The following ADGRL3 variants were observed in gnomAD, a reference collection of about 807,000 sequenced individuals.
The protein encoded by ADGRL3 is calcium-independent alpha-latrotoxin receptor 3.
Under a neutral mutation model 153.5 loss-of-function variants are expected in ADGRL3, and 62 were observed. The observed-to-expected ratio is 0.40, with a 90% CI of 0.33 to 0.50. The LOEUF (loss-of-function observed/expected upper bound fraction) is 0.50. ADGRL3 is among the 20% of genes least tolerant of loss of function. The probability of loss-of-function intolerance (pLI) is 0.47; values close to 1 mark genes in which losing one functional copy is unlikely to be tolerated. For synonymous variants in ADGRL3, 710 were observed against 672.5 expected (o/e 1.06, Z -0.86); for missense variants, 1,641 against 1,859.4 (o/e 0.88, Z 2.16).
chr4:61,509,072 T>C (rs532167344), intron 3 of ADGRL3, among the ~76,000 whole-genome samples: 4 of 150,044 alleles, frequency 2.7e-5, no homozygotes, highest in African/African-American at 9.8e-5. Flanking sequence ...ATTATGGGAG[T>C]ACAATTCAAG....
intron 25 of ADGRL3, among the ~76,000 whole-genome samples, chr4:62,045,721 T>C (rs1407090952): frequency 6.6e-6 from 1 of 152,012 alleles, no homozygotes. Flanking sequence ...GGCAACAATA[T>C]AGTAACTATA....
At position 61,629,420 on chromosome 4, in the gene ADGRL3, T is replaced by A. The variant is rs1002723027; in HGVS notation, c.473+41980T>A. Among the ~76,000 whole-genome samples the A allele has an allele frequency of 3.2e-4, 48 of 151,464 alleles. 1 individual carries two copies. The highest frequency in any genetic ancestry group is 2.7e-4 in the Non-Finnish European group (18 of 67,868). On this transcript the variant is annotated intron_variant, in intron 5 of 26. Coordinates refer to ENST00000683033, the MANE Select transcript of ADGRL3 (RefSeq NM_001387552.1). ...TGTTCTATATGGTTTTTCTCCATTTTAAAAAAAAGTCCAAGTGGCCAGGCG... is the reference window on the plus strand; with the variant it reads ...TGTTCTATATGGTTTTTCTCCATTTAAAAAAAAAGTCCAAGTGGCCAGGCG...
chr4:61,486,895 C>A (rs2098200821), intron 2 of ADGRL3, among the ~76,000 whole-genome samples: 1 of 152,118 alleles, frequency 6.6e-6, no homozygotes, highest in African/African-American at 2.4e-5. Flanking sequence ...CCAATACATG[C>A]ATGAGTAAAA....
intron 17 of ADGRL3, among the ~76,000 whole-genome samples, chr4:61,964,964 T>A (rs1032026868): frequency 6.6e-6 from 1 of 152,154 alleles, no homozygotes; most frequent in Non-Finnish European, 1.5e-5. Flanking sequence ...AATTTTACTT[T>A]AACATGGCAA....
chr4:62,056,003 T>A (rs1736810286), intron 25 of ADGRL3, among the ~76,000 whole-genome samples: 1 of 151,636 alleles, frequency 6.6e-6, no homozygotes, highest in Non-Finnish European at 1.5e-5. Context: ...AATGAACTCC[T>A]ACAAGGCTCC....
intron 9 of ADGRL3, among the ~76,000 whole-genome samples, chr4:61,831,402 G>C (rs115150534): frequency 0.018 from 906 of 49,704 alleles, 17 homozygotes; most frequent in African/African-American, 0.064. Flanking sequence ...GAAAGGAAAA[G>C]ATGCTAAGTA....
At chr4:61,799,275 C>A (rs1240541485) in intron 8 of ADGRL3, among the ~76,000 whole-genome samples, 1 of 151,762 alleles carries the variant, frequency 6.6e-6, no homozygotes, top group East Asian at 1.9e-4. Context: ...TTACTATTCA[C>A]AATAATTCTA....
At chr4:61,294,622 A>C (rs1362591808) in intron 1 of ADGRL3, among the ~76,000 whole-genome samples, 1 of 152,162 alleles carries the variant, frequency 6.6e-6, no homozygotes, top group Non-Finnish European at 1.5e-5. Flanking sequence ...ACTGGTACAT[A>C]AAATAATCAT....
intron 8 of ADGRL3, among the ~76,000 whole-genome samples, chr4:61,756,853 C>A (rs937217043): frequency 5.3e-5 from 8 of 152,054 alleles, no homozygotes; most frequent in African/African-American, 1.7e-4. Context: ...TTGTCAAAGG[C>A]CTTTTCTGCA....
At chr4:61,313,737 T>C (rs1471207422) in intron 1 of ADGRL3, among the ~76,000 whole-genome samples, 1 of 152,192 alleles carries the variant, frequency 6.6e-6, no homozygotes, top group Non-Finnish European at 1.5e-5. Context: ...ATGTAAACTA[T>C]ACATACATTT....
intron 1 of ADGRL3, among the ~76,000 whole-genome samples, chr4:61,225,405 A>C (rs1370243264): frequency 6.6e-6 from 1 of 152,152 alleles, no homozygotes; most frequent in African/African-American, 2.4e-5. Context: ...TGTTGTGCCA[A>C]TATATAACCT....
chr4:62,058,760 G>T (rs1400701272), intron 25 of ADGRL3, among the ~76,000 whole-genome samples: 2 of 152,050 alleles, frequency 1.3e-5, no homozygotes, highest in African/African-American at 4.8e-5. Flanking sequence ...CAACAATTTC[G>T]CAGCTATTAG....
chr4:61,568,677 G>C (rs2098826202), intron 4 of ADGRL3, among the ~76,000 whole-genome samples: 1 of 151,926 alleles, frequency 6.6e-6, no homozygotes, highest in South Asian at 2.1e-4. Context: ...AAAAGTTAAT[G>C]GTCTTTTTTT....
At chr4:61,353,600 A>ATTTTTT (rs34199193) in intron 1 of ADGRL3, among the ~76,000 whole-genome samples, 15 of 118,838 alleles carry the variant, frequency 1.3e-4, no homozygotes, top group African/African-American at 3.6e-4. Flanking sequence ...TTTTCTTTCA[A>ATTTTTT]TTTTTTTTTT....
chr4:61,979,439 C>A, intron 17 of ADGRL3, 124 bp from the exon 18 acceptor site: 2 of 764,846 alleles, frequency 2.6e-6, no homozygotes, highest in Non-Finnish European at 4.5e-6. Context: ...TTACTTTATT[C>A]ATTGTGGGTA....
At chr4:61,611,882 T>C (rs1212837879) in intron 5 of ADGRL3, among the ~76,000 whole-genome samples, 1 of 152,090 alleles carries the variant, frequency 6.6e-6, no homozygotes, top group East Asian at 1.9e-4. Flanking sequence ...ATTATGTCAC[T>C]GCACTCCAGC....
intron 9 of ADGRL3, among the ~76,000 whole-genome samples, chr4:61,869,193 C>T (rs189502132): frequency 6.6e-6 from 1 of 152,098 alleles, no homozygotes; most frequent in Non-Finnish European, 1.5e-5. Flanking sequence ...ACCTTCCTAC[C>T]TTGGTCTCCC....
intron 9 of ADGRL3, among the ~76,000 whole-genome samples, chr4:61,864,895 T>C (rs953297060): frequency 1.3e-5 from 2 of 152,178 alleles, no homozygotes; most frequent in African/African-American, 4.8e-5. Context: ...AACGGAAGCA[T>C]AGAATGTAAT....
At chr4:61,371,591 A>G (rs1186945488) in intron 1 of ADGRL3, among the ~76,000 whole-genome samples, 1 of 152,122 alleles carries the variant, frequency 6.6e-6, no homozygotes, top group Non-Finnish European at 1.5e-5. Context: ...GGTTTCTGCC[A>G]AGAGATCTGC....
Sources: gnomAD v4.1 joint callset for allele counts (sites outside exome capture counted in the v4.1 genomes callset) on GRCh38, gnomAD v4.1.1 for gene constraint, MANE v1.5 for transcripts, NCBI Gene and HGNC (gene_info 2026-07-23, HGNC 2026-07-21) for gene names.